The following SCLT1 variants were observed in gnomAD, a reference collection of about 807,000 sequenced individuals.
The protein encoded by SCLT1 is sodium channel-associated protein 1.
In SCLT1, 78 loss-of-function variants were observed where a neutral mutation model predicts 112.8. The ratio of observed to expected loss-of-function variants is 0.69; its 90% CI spans 0.58 to 0.83. SCLT1 has a LOEUF of 0.83. Ranked by LOEUF, SCLT1 falls within the 40% of genes least tolerant of loss-of-function variation. The pLI, the probability that SCLT1 is intolerant of heterozygous loss-of-function variation, is 0.00. For synonymous variants in SCLT1, 257 were observed against 254.7 expected (o/e 1.01, Z -0.09); for missense variants, 747 against 770.4 (o/e 0.97, Z 0.36).
At position 128,994,802 on chromosome 4, in the gene SCLT1, T is replaced by C. The variant is rs528696882; in HGVS notation, c.616-2565A>G. On this transcript the variant is annotated intron_variant, in intron 8 of 20. Coordinates refer to ENST00000281142, the MANE Select transcript of SCLT1 (RefSeq NM_144643.4). ...CATTGGGCATTTCTTCACATACCCATTGCCTTGGAAAAATACCTATTTAAG... is the reference window on the plus strand; with the variant it reads ...CATTGGGCATTTCTTCACATACCCACTGCCTTGGAAAAATACCTATTTAAG... Among the ~76,000 whole-genome samples the C allele has an allele frequency of 5.3e-5, 8 of 152,260 alleles. No individual in the cohort carries two copies. The South Asian group carries it at 1.7e-3, about 32-fold the overall frequency.
chr4:129,043,206 C>G (rs1184609913), intron 4 of SCLT1, among the ~76,000 whole-genome samples, 189 bp downstream of exon 4: 1 of 152,112 alleles, frequency 6.6e-6, no homozygotes, highest in Non-Finnish European at 1.5e-5. Context: ...GCCACCGCAC[C>G]CAGCTAGAAG....
intron 11 of SCLT1, among the ~76,000 whole-genome samples, chr4:128,960,982 G>A (rs981637875): frequency 8.6e-6 from 1 of 116,564 alleles, no homozygotes; most frequent in Non-Finnish European, 1.7e-5. Flanking sequence ...CCCTTAGTCT[G>A]TCCTTTATGC....
rs73847392 is a variant in SCLT1 at position 129,044,046 on chromosome 4, A to G, written c.108T>C (p.Ala36=). ...SFSKYSSVQK[A]VCQGEGDDTF... ...TGTCGTCTCCTTCTCCTTGGCAGACAGCTTTCTATAAAAGAATGTACATCT... is the reference window on the plus strand; with the variant it reads ...TGTCGTCTCCTTCTCCTTGGCAGACGGCTTTCTATAAAAGAATGTACATCT... Residue 36 remains alanine, a synonymous_variant, in exon 3 of 21, where the codon GCT becomes GCC. Transcript: ENST00000281142. 1,027 of 1,555,082 alleles carry G rather than the reference A, an allele frequency of 6.6e-4. 4 individuals carry two copies. In the African/African-American group the frequency reaches 0.011, roughly 16 times the overall value.
At chr4:129,079,037 CAG>C (rs1181398117) in intron 2 of SCLT1, among the ~76,000 whole-genome samples, 1 of 152,128 alleles carries the variant, frequency 6.6e-6, no homozygotes, top group Non-Finnish European at 1.5e-5. Flanking sequence ...CACTCACTAT[CAG>C]GGGAACAGCA....
rs747678805 is a variant in SCLT1, at chr4:128,884,524, C to A, written c.2020G>T (p.Val674Leu). ...AGGGAGGCTGCTTTTCTTCTCTGCA[C>A]TGTAATCACACTGAGCTGCAATTAA... ...SASQQLSVITVQRRKAASLMN... is the reference protein window; with the variant it reads ...SASQQLSVITLQRRKAASLMN... Residue 674 changes from valine to leucine, a missense_variant, in exon 21 of 21, where the codon GTG becomes TTG. Transcript: ENST00000281142. 1.2e-6 allele frequency: 2 copies of A among 1,601,416 alleles called. No homozygotes were observed. Among genetic ancestry groups the A allele is most frequent in the South Asian group, 2.2e-5 (2 of 90,798 alleles).
intron 9 of SCLT1, among the ~76,000 whole-genome samples, chr4:128,985,723 C>A (rs559081366): frequency 6.6e-6 from 1 of 152,074 alleles, no homozygotes; most frequent in South Asian, 2.1e-4. Context: ...GTATTTAAAT[C>A]TTTTGTTTTT....
chr4:129,056,087 G>A (rs1398967588), intron 2 of SCLT1, among the ~76,000 whole-genome samples: 1 of 152,146 alleles, frequency 6.6e-6, no homozygotes, highest in Non-Finnish European at 1.5e-5. Flanking sequence ...GCTCCACCCT[G>A]CTTCTGCTCA....
chr4:128,908,296 A>C (rs1734836449), intron 18 of SCLT1, among the ~76,000 whole-genome samples: 1 of 151,134 alleles, frequency 6.6e-6, no homozygotes, highest in South Asian at 2.1e-4. Context: ...CTGTTGAATT[A>C]TGCTATAATA....
intron 2 of SCLT1, among the ~76,000 whole-genome samples, chr4:129,065,994 C>A (rs1043481547): frequency 2.6e-5 from 4 of 151,778 alleles, no homozygotes; most frequent in Non-Finnish European, 1.5e-5. Flanking sequence ...ATAATAAATG[C>A]TGGAAGCAAT....
rs1362296964 is a variant in SCLT1 at position 128,943,167 on chromosome 4, A to C, written c.1461T>G (p.Arg487=). Residue 487 remains arginine, a synonymous_variant, in exon 17 of 21, where the codon CGT becomes CGG. Transcript: ENST00000281142. ...LETDSSEEIS[R]YQEMIQKLQN... The stretch of plus-strand genomic sequence containing the variant: ...GAAGTTTCTGAATCATTTCTTGGTA[A>C]CGTGATATTTCTTCTGAGGAGCTGA... The C allele has an allele frequency of 1.9e-6, 3 of 1,608,874 alleles. No homozygotes were observed. The East Asian group carries it at 6.7e-5, about 36-fold the overall frequency.
intron 5 of SCLT1, among the ~76,000 whole-genome samples, chr4:129,022,643 ATG>A (rs2126125580): frequency 1.3e-5 from 2 of 152,348 alleles, no homozygotes; most frequent in Non-Finnish European, 2.9e-5. Flanking sequence ...ATATGGGACT[ATG>A]TGAAAAGACC....
chr4:128,981,176 C>T (rs991105617), intron 9 of SCLT1, among the ~76,000 whole-genome samples: 6 of 152,170 alleles, frequency 3.9e-5, no homozygotes, highest in African/African-American at 1.4e-4. Flanking sequence ...AATGCTGTGA[C>T]ATGGTAAGAT....
chr4:128,958,340 TC>T (rs1739384904), intron 12 of SCLT1, among the ~76,000 whole-genome samples: 1 of 152,182 alleles, frequency 6.6e-6, no homozygotes, highest in African/African-American at 2.4e-5. Context: ...AGGCTGTACT[TC>T]CTGCCTTGTT....
rs545622234 is a variant in SCLT1, at chr4:129,055,521, C to T, written c.103-11470G>A. Among the ~76,000 whole-genome samples, 80 of 152,276 alleles carry T rather than the reference C, an allele frequency of 5.3e-4. 1 individual carries two copies. Among genetic ancestry groups the T allele is most frequent in the Non-Finnish European group, 9.3e-4 (63 of 68,018 alleles). Reference sequence around the variant, plus strand: ...AGGCATTCTGGCCACAGCCTCTTTGCTGCATTGTGTTGAGTTCTGCCCAGT... The same window carrying T: ...AGGCATTCTGGCCACAGCCTCTTTGTTGCATTGTGTTGAGTTCTGCCCAGT... On this transcript the variant is annotated intron_variant, in intron 2 of 20. Coordinates refer to ENST00000281142, the MANE Select transcript of SCLT1 (RefSeq NM_144643.4).
chr4:128,925,905 C>T (rs116353967), intron 18 of SCLT1, among the ~76,000 whole-genome samples: 1,559 of 151,808 alleles, frequency 0.01, 23 homozygotes, highest in African/African-American at 0.036. Flanking sequence ...CCATTGGTTC[C>T]TTTTTTGCAT....
At chr4:128,986,288 C>T (rs1383228115) in intron 9 of SCLT1, among the ~76,000 whole-genome samples, 1 of 152,146 alleles carries the variant, frequency 6.6e-6, no homozygotes, top group Non-Finnish European at 1.5e-5. Flanking sequence ...TTTAGACCAG[C>T]CCCAGGCCAG....
intron 4 of SCLT1, chr4:128,874,752 T>A (rs1197800974): frequency 6.6e-6 from 1 of 152,640 alleles, no homozygotes; most frequent in Non-Finnish European, 1.5e-5. Flanking sequence ...GCTTTATCTT[T>A]CCTTGTGCAT....
At chr4:129,021,674 G>A (rs1046380891) in intron 5 of SCLT1, among the ~76,000 whole-genome samples, 2 of 152,190 alleles carry the variant, frequency 1.3e-5, no homozygotes, top group African/African-American at 4.8e-5. Context: ...CCCAGTTAGG[G>A]CCCTACAGAC....
chr4:128,904,873 T>G (rs1734574234), intron 18 of SCLT1, among the ~76,000 whole-genome samples: 1 of 152,176 alleles, frequency 6.6e-6, no homozygotes, highest in African/African-American at 2.4e-5. Flanking sequence ...CTTTTCTCAT[T>G]GTTAACTAAA....
Sources: allele counts gnomAD v4.1 joint callset (sites outside exome capture counted in the v4.1 genomes callset), GRCh38; gene constraint gnomAD v4.1.1; transcripts MANE v1.5; gene names NCBI Gene and HGNC (gene_info 2026-07-23, HGNC 2026-07-21).